TEAD4: variants seen among roughly 807,000 people sequenced by gnomAD.
TEAD4 encodes transcriptional enhancer factor TEF-3.
A neutral mutation model predicts 52.4 loss-of-function variants in TEAD4; 36 were observed. That is an observed-to-expected ratio of 0.69 (90% CI 0.53 to 0.91). The LOEUF (loss-of-function observed/expected upper bound fraction) is 0.91. Ranked by LOEUF, TEAD4 falls within the 40% of genes least tolerant of loss-of-function variation. The pLI is 0.00. For missense variants in TEAD4, 508 were observed against 583.9 expected (o/e 0.87, Z 1.34); for synonymous variants, 220 against 231.0 (o/e 0.95, Z 0.43).
intron 2 of TEAD4, among the ~76,000 whole-genome samples, chr12:2,989,678 C>A (rs1317113219): frequency 4.6e-5 from 7 of 152,124 alleles, no homozygotes; most frequent in Admixed American, 4.6e-4. Context: ...GGCCTCAAGC[C>A]ATCCACCTGC....
chr12:3,016,930 T>C lies in TEAD4; in HGVS notation c.355-468T>C, dbSNP rs1591588686. On this transcript the variant is annotated intron_variant, in intron 5 of 12. Transcript: ENST00000359864. ...GTGCCTACAGTGCCCAGGGAGATCC[T>C]TAGGGCAGGACTGAGGCAGGAGGGG... 1.1e-5 allele frequency: 4 copies of C among 355,726 alleles called. No homozygotes were observed. The East Asian group carries it at 3.0e-4, about 27-fold the overall frequency. 22.0% of individuals were successfully genotyped at this position (355,726 alleles called of 1,614,324 possible). A position where few individuals can be genotyped will look rare whatever the true frequency, so the allele number is the denominator to read the frequency against.
chr12:3,037,602 A>G (rs181874016), intron 10 of TEAD4, among the ~76,000 whole-genome samples: 1 of 152,304 alleles, frequency 6.6e-6, no homozygotes, highest in Non-Finnish European at 1.5e-5. Flanking sequence ...AATAGAGCTG[A>G]CTGGTAGAGA....
At chr12:3,017,176 G>A in intron 5 of TEAD4, 1 of 679,780 alleles carries the variant, frequency 1.5e-6, no homozygotes, top group South Asian at 1.6e-5. Context: ...AAGAAGCAGG[G>A]CAAGTATCAT....
chr12:3,007,434 G>A (rs538367250), intron 3 of TEAD4, among the ~76,000 whole-genome samples: 31 of 152,308 alleles, frequency 2.0e-4, no homozygotes, highest in African/African-American at 7.5e-4. Flanking sequence ...GTCTGCTGTG[G>A]GTGATCTGGT....
chr12:2,970,747 C>T (rs2098224333), intron 2 of TEAD4, among the ~76,000 whole-genome samples: 1 of 152,210 alleles, frequency 6.6e-6, no homozygotes, highest in Admixed American at 6.5e-5. Context: ...AGACAGGTTC[C>T]CATCCCTCGG....
At chr12:3,022,072 A>G (rs4759379) in intron 10 of TEAD4, 55 bp downstream of exon 10, 1,308,162 of 1,597,104 alleles carry the variant, frequency 0.82, 543,208 homozygotes, top group East Asian at 0.97. Flanking sequence ...TGGTAGTGAG[A>G]ACGGGGCGAG....
intron 5 of TEAD4, among the ~76,000 whole-genome samples, chr12:3,014,863 A>G (rs574747334): frequency 6.6e-6 from 1 of 152,324 alleles, no homozygotes; most frequent in East Asian, 1.9e-4. Context: ...GGCACTGAGT[A>G]GATGCAGCCC....
chr12:2,995,310 T>C (rs2098246238), intron 3 of TEAD4, among the ~76,000 whole-genome samples: 1 of 152,168 alleles, frequency 6.6e-6, no homozygotes, highest in Non-Finnish European at 1.5e-5. Flanking sequence ...AGCAGGTGCC[T>C]GACCAGCAGG....
chr12:3,013,347 T>A (rs770876932), intron 5 of TEAD4, among the ~76,000 whole-genome samples: 11 of 151,496 alleles, frequency 7.3e-5, no homozygotes, highest in Non-Finnish European at 1.3e-4. Flanking sequence ...AGAGGAGCCG[T>A]TCTGGTCAAA....
chr12:3,015,319 C>T lies in TEAD4; in HGVS notation c.355-2079C>T, dbSNP rs1215432690. 5.9e-5 allele frequency among the ~76,000 whole-genome samples: 9 copies of T among 152,326 alleles called. No individual in the cohort carries two copies. The East Asian group carries it at 1.2e-3, about 20-fold the overall frequency. ...ATCACCACTCTCAGCACCCTAGTCA[C>T]CCAAATTCTCAGAGCCTCAGTTTCT... On this transcript the variant is annotated intron_variant, in intron 5 of 12. Coordinates refer to ENST00000359864, the MANE Select transcript of TEAD4 (RefSeq NM_003213.4).
intron 2 of TEAD4, among the ~76,000 whole-genome samples, chr12:2,968,060 G>GC (rs999489457): frequency 1.3e-4 from 19 of 146,622 alleles, no homozygotes; most frequent in African/African-American, 4.7e-4. Context: ...CCCAACCAGT[G>GC]ATCTGATCTC....
At chr12:3,035,797 G>A (rs149402161) in intron 10 of TEAD4, among the ~76,000 whole-genome samples, 140 of 141,738 alleles carry the variant, frequency 9.9e-4, no homozygotes, top group African/African-American at 3.1e-3. Flanking sequence ...TCCAGCCTGA[G>A]TGACAGAACA....
intron 10 of TEAD4, among the ~76,000 whole-genome samples, chr12:3,023,167 G>A (rs992328191): frequency 6.6e-6 from 1 of 152,082 alleles, no homozygotes; most frequent in African/African-American, 2.4e-5. Flanking sequence ...CTCTGCCAGC[G>A]GAATGGAAGT....
intron 10 of TEAD4, among the ~76,000 whole-genome samples, chr12:3,032,396 G>T (rs959149254): frequency 6.6e-6 from 1 of 152,140 alleles, no homozygotes; most frequent in Non-Finnish European, 1.5e-5. Flanking sequence ...CGCGAGTCTC[G>T]GGGTCCTGGG....
At chr12:3,008,150 A>G (rs2098257380) in intron 3 of TEAD4, among the ~76,000 whole-genome samples, 1 of 152,182 alleles carries the variant, frequency 6.6e-6, no homozygotes, top group Non-Finnish European at 1.5e-5. Context: ...GTATTATGCT[A>G]GAAGGTGCTG....
rs1159859043 is a variant in TEAD4, at chr12:2,994,492, T to A, written c.-29-246T>A. 6.6e-6 allele frequency among the ~76,000 whole-genome samples: 1 copy of A among 152,182 alleles called. No individual in the cohort carries two copies. Among genetic ancestry groups the A allele is most frequent in the Non-Finnish European group, 1.5e-5 (1 of 68,030 alleles). On this transcript the variant is annotated intron_variant, in intron 2 of 12. Transcript: ENST00000359864. This position sits in a 1 kb window ranked among gnomAD's most constrained non-coding sequence, Gnocchi z 4.7. ...ATCCTTGTCTCCTACTTTTCAGCCC[T>A]TGTCTGGGTTCCTTGATACCAGGGA...
chr12:3,012,043 T>G, intron 4 of TEAD4, 127 bp from the exon 5 acceptor site: 1 of 830,398 alleles, frequency 1.2e-6, no homozygotes, highest in Non-Finnish European at 1.9e-6. Flanking sequence ...AGTTGACCCT[T>G]TCATTCATTC....
At chr12:2,970,599 G>C (rs1380977009) in intron 2 of TEAD4, among the ~76,000 whole-genome samples, 3 of 152,206 alleles carry the variant, frequency 2.0e-5, no homozygotes, top group African/African-American at 7.2e-5. Context: ...TGGCCCTGTG[G>C]AGTTACTGAT....
chr12:3,035,478 G>C (rs2098278772), intron 10 of TEAD4, among the ~76,000 whole-genome samples: 1 of 152,188 alleles, frequency 6.6e-6, no homozygotes, highest in African/African-American at 2.4e-5. Flanking sequence ...GCCCTTTTTA[G>C]GAACAGTCTG....
Sources: gnomAD v4.1 joint callset for allele counts (sites outside exome capture counted in the v4.1 genomes callset) on GRCh38, gnomAD v4.1.1 for gene constraint, Gnocchi (gnomAD v3.1) non-coding constraint, MANE v1.5 for transcripts, NCBI Gene and HGNC (gene_info 2026-07-23, HGNC 2026-07-21) for gene names.